Variants in CBFA2T3 observed in about 807,000 individuals in gnomAD.
The protein encoded by CBFA2T3 is transcriptional corepressor CBFA2T3.
A neutral mutation model predicts 58.6 loss-of-function variants in CBFA2T3; 31 were observed. The ratio of observed to expected loss-of-function variants is 0.53; its 90% CI spans 0.40 to 0.71. The LOEUF (loss-of-function observed/expected upper bound fraction) is 0.71, where lower values mean the gene tolerates loss of function less well. Ranked by LOEUF, CBFA2T3 falls within the 30% of genes least tolerant of loss-of-function variation. The pLI, the probability that CBFA2T3 is intolerant of heterozygous loss-of-function variation, is 0.00. For synonymous variants in CBFA2T3, 531 were observed against 421.9 expected, an observed-to-expected ratio of 1.26 and a Z score of -3.17; for missense variants, 1,076 against 963.1, an observed-to-expected ratio of 1.12 and a Z score of -1.55.
In CBFA2T3 at chr16:88,924,519, G is replaced by A. The variant is rs565175576; in HGVS notation, c.152-22863C>T. 3.9e-5 allele frequency among the ~76,000 whole-genome samples: 6 copies of A among 152,266 alleles called. No homozygotes were observed. The South Asian group carries it at 1.2e-3, about 32-fold the overall frequency. On this transcript the variant is annotated intron_variant, in intron 1 of 11. Coordinates refer to ENST00000268679, the MANE Select transcript of CBFA2T3 (RefSeq NM_005187.6). ...ACAGGCCAGGGGGAGAAGAGCGGGC[G>A]GAGGGCCCAGTGGTGGCTGCGGGGG... is the stretch of plus-strand genomic sequence containing the variant.
At chr16:88,967,815 G>A (rs770651664) in intron 1 of CBFA2T3, among the ~76,000 whole-genome samples, 6 of 152,170 alleles carry the variant, frequency 3.9e-5, no homozygotes, top group Non-Finnish European at 7.4e-5. Context: ...CCAGGGCACC[G>A]GGGAACTCAG....
chr16:88,932,972 GA>G (rs11358628), intron 1 of CBFA2T3, among the ~76,000 whole-genome samples: 44,666 of 151,596 alleles, frequency 0.29, 7,181 homozygotes, highest in Middle Eastern at 0.49. Flanking sequence ...GTGTCTGGGG[GA>G]AAAAAAGAAA....
intron 1 of CBFA2T3, among the ~76,000 whole-genome samples, chr16:88,932,595 C>A (rs1372105733): frequency 3.9e-5 from 6 of 151,928 alleles, no homozygotes; most frequent in East Asian, 1.9e-4. Context: ...AGCAGTGAGC[C>A]ATGATCGCAC....
rs534943160 is a variant in CBFA2T3, at chr16:88,912,961, A to T, written c.152-11305T>A. On this transcript the variant is annotated intron_variant, in intron 1 of 11. Transcript: ENST00000268679. ...AGCAGGAGGCCAGGGAATGCCGGTC[A>T]TGGCTATTCAGGGCCCTCTCCCCCA... Among the ~76,000 whole-genome samples, 45 of 152,356 alleles carry T rather than the reference A, an allele frequency of 3.0e-4. No homozygotes were observed. The East Asian group carries it at 6.6e-3, about 22-fold the overall frequency.
Position 88,885,461 on chromosome 16 carries a change from G to C in CBFA2T3, c.894-192C>G, listed in dbSNP as rs1969325315. Among the ~76,000 whole-genome samples, 1 of 152,074 alleles carries C rather than the reference G, an allele frequency of 6.6e-6. No individual in the cohort carries two copies. The highest frequency in any genetic ancestry group is 2.4e-5 in the African/African-American group (1 of 41,380). ...GCCCCCACTCTCTGCCCCTCTGCCG[G>C]GGCCCATGCCAGCCTCAACCCCTGC... is the stretch of plus-strand genomic sequence containing the variant. On this transcript the variant is annotated intron_variant, in intron 6 of 11. Transcript: ENST00000268679. The surrounding 1 kb of genome is among the most constrained non-coding windows in gnomAD (Gnocchi z 5.3).
chr16:88,960,183 G>A (rs544663087), intron 1 of CBFA2T3, among the ~76,000 whole-genome samples: 100 of 152,240 alleles, frequency 6.6e-4, no homozygotes, highest in African/African-American at 2.3e-3. Context: ...GACAGCCCAC[G>A]AGATGTGAGT....
Position 88,877,139 on chromosome 16 carries a change from G to C in CBFA2T3, c.1799C>G (p.Thr600Arg). ...HVCGQSLQGP[T>R]AVVADPVPGP... ...AGGCACCGGGTCGGCCACCACGGCT[G>C]TGGGGCCCTGCAGGCTCTGGCCACA... The change falls in exon 12 of 12, where the codon ACA becomes AGA. Residue 600 changes from threonine to arginine, a missense_variant. Transcript: ENST00000268679. 1.3e-6 allele frequency: 2 copies of C among 1,550,066 alleles called. No homozygotes were observed. The highest frequency in any genetic ancestry group is 1.2e-5 in the South Asian group (1 of 84,062).
At chr16:88,957,141 C>A (rs995948255) in intron 1 of CBFA2T3, among the ~76,000 whole-genome samples, 1 of 152,248 alleles carries the variant, frequency 6.6e-6, no homozygotes, top group Non-Finnish European at 1.5e-5. Flanking sequence ...AGCTGCCCAG[C>A]AGAACCATCA....
intron 1 of CBFA2T3, among the ~76,000 whole-genome samples, chr16:88,950,071 C>A (rs1053709349): frequency 2.6e-5 from 4 of 152,116 alleles, no homozygotes; most frequent in Admixed American, 2.6e-4. Context: ...GGCTTCCCTG[C>A]TTCTCTTCCT....
chr16:88,954,389 TCCTGACCCTACCCAAGACTCCTGAC>T (rs1597786682), intron 1 of CBFA2T3, among the ~76,000 whole-genome samples: 1 of 129,228 alleles, frequency 7.7e-6, no homozygotes. Context: ...CACCCAAGAC[TCCTGACCCTACCCAAGACTCCTGAC>T]CCCACCCAAG....
chr16:88,896,805 T>C (rs1324091157), intron 3 of CBFA2T3, among the ~76,000 whole-genome samples: 1 of 152,162 alleles, frequency 6.6e-6, no homozygotes. Context: ...AGCCTGGGCC[T>C]GGCCCTCCCT....
Position 88,958,128 on chromosome 16 carries a change from T to C in CBFA2T3, c.151+18529A>G, listed in dbSNP as rs1238640450. On this transcript the variant is annotated intron_variant, in intron 1 of 11. Transcript: ENST00000268679. This position sits in a 1 kb window ranked among gnomAD's most constrained non-coding sequence, Gnocchi z 4.0. ...CGCACCAGGGCAGTAGCGGGATGGGTGTCAAGGCCGTGCACACCCACGAGG... is the reference window on the plus strand; with the variant it reads ...CGCACCAGGGCAGTAGCGGGATGGGCGTCAAGGCCGTGCACACCCACGAGG... Among the ~76,000 whole-genome samples, 1 of 151,874 alleles carries C rather than the reference T, an allele frequency of 6.6e-6. No homozygotes were observed. The highest frequency in any genetic ancestry group is 2.4e-5 in the African/African-American group (1 of 41,322).
intron 1 of CBFA2T3, among the ~76,000 whole-genome samples, chr16:88,970,838 C>T (rs908230603): frequency 5.3e-5 from 8 of 152,206 alleles, no homozygotes; most frequent in African/African-American, 1.4e-4. Context: ...GTGCAGCCGA[C>T]GCTGGGGGCC....
At chr16:88,894,952 T>C (rs961633764) in intron 3 of CBFA2T3, among the ~76,000 whole-genome samples, 2 of 151,996 alleles carry the variant, frequency 1.3e-5, no homozygotes, top group Admixed American at 6.5e-5. Context: ...GTGCCCTGGA[T>C]GGTGGGGGGT....
intron 1 of CBFA2T3, among the ~76,000 whole-genome samples, chr16:88,956,301 G>A (rs998631456): frequency 9.8e-5 from 15 of 152,388 alleles, no homozygotes; most frequent in Admixed American, 9.1e-4. Flanking sequence ...CACGCACACG[G>A]AGCTCATGGC....
chr16:88,926,360 C>T (rs569557375), intron 1 of CBFA2T3, among the ~76,000 whole-genome samples: 15 of 152,362 alleles, frequency 9.8e-5, no homozygotes, highest in African/African-American at 3.4e-4. Context: ...GCCCCCCAAG[C>T]GCTCCGAGGG....
rs549512035 is a variant in CBFA2T3, at chr16:88,874,958, G to A, written c.*2018C>T. 8 of 233,246 alleles carry A rather than the reference G, an allele frequency of 3.4e-5. No individual in the cohort carries two copies. The highest frequency in any genetic ancestry group is 1.1e-4 in the African/African-American group (5 of 45,412). The allele number at this position is 233,246 out of a possible 1,614,324, so 14.4% of individuals were successfully genotyped here. A position where few individuals can be genotyped will look rare whatever the true frequency, so the allele number is the denominator to read the frequency against. ...TATATACATTCACATTAACGTACAC[G>A]CTCAGCTTCAGGCCTCTGGCGGGCT... On this transcript the variant is annotated 3_prime_UTR_variant, in exon 12 of 12. Transcript: ENST00000268679.
At chr16:88,914,899 G>A (rs780877343) in intron 1 of CBFA2T3, among the ~76,000 whole-genome samples, 28 of 152,096 alleles carry the variant, frequency 1.8e-4, no homozygotes, top group Non-Finnish European at 3.4e-4. Context: ...AGCTGCTAGA[G>A]CTGCGCTGCC....
chr16:88,927,391 G>A (rs575295673), intron 1 of CBFA2T3, among the ~76,000 whole-genome samples: 2 of 152,310 alleles, frequency 1.3e-5, no homozygotes, highest in South Asian at 2.1e-4. Flanking sequence ...GATCCTCCTC[G>A]AGCCAGATCC....
Sources: gnomAD v4.1 joint callset for allele counts (sites outside exome capture counted in the v4.1 genomes callset) on GRCh38, gnomAD v4.1.1 for gene constraint, Gnocchi (gnomAD v3.1) non-coding constraint, MANE v1.5 for transcripts, NCBI Gene and HGNC (gene_info 2026-07-23, HGNC 2026-07-21) for gene names.